XXYLT1: variants seen among roughly 807,000 people sequenced by gnomAD.
XXYLT1 encodes the protein UDP-xylose:alpha-xyloside alpha-1,3-xylosyltransferase.
In XXYLT1, 20 loss-of-function variants were observed where a neutral mutation model predicts 28.9. The observed-to-expected ratio is 0.69, with a 90% CI of 0.49 to 1.00. The LOEUF is 1.00. Ranked by LOEUF, XXYLT1 falls within the 50% of genes least tolerant of loss-of-function variation. The probability of loss-of-function intolerance (pLI) is 0.00; values close to 1 mark genes in which losing one functional copy is unlikely to be tolerated. For missense variants in XXYLT1, 542 were observed against 560.1 expected, an observed-to-expected ratio of 0.97 and a Z score of 0.33; for synonymous variants, 257 against 253.8, an observed-to-expected ratio of 1.01 and a Z score of -0.12.
At chr3:195,185,492 T>G (rs1722157257) in intron 2 of XXYLT1, among the ~76,000 whole-genome samples, 1 of 143,456 alleles carries the variant, frequency 7.0e-6, no homozygotes, top group Admixed American at 7.0e-5. Context: ...TCCAGAGAGG[T>G]TTAGGGCTGG....
intron 2 of XXYLT1, among the ~76,000 whole-genome samples, chr3:195,221,759 T>C (rs1281459825): frequency 1.3e-5 from 2 of 152,006 alleles, no homozygotes; most frequent in Non-Finnish European, 2.9e-5. Flanking sequence ...TTTTTTTCCA[T>C]TGCATAAGAT....
intron 2 of XXYLT1, chr3:195,175,846 A>G: frequency 7.1e-7 from 1 of 1,416,940 alleles, no homozygotes; most frequent in Non-Finnish European, 9.2e-7. Context: ...GCTTAAAAGG[A>G]AGATGTCCTA....
chr3:195,258,163 G>A (rs1294374920), intron 1 of XXYLT1, among the ~76,000 whole-genome samples: 1 of 152,168 alleles, frequency 6.6e-6, no homozygotes, highest in African/African-American at 2.4e-5. Flanking sequence ...CTGCTGTGAT[G>A]CTCTGGCAAA....
At chr3:195,152,405 ATGGGGAAGGTCACGGATGC>A (rs1466327873) in intron 3 of XXYLT1, 1 of 152,546 alleles carries the variant, frequency 6.6e-6, no homozygotes, top group East Asian at 1.9e-4. Context: ...TGATTTCCAG[ATGGGGAAGGTCACGGATGC>A]TGGACGCAAC....
rs1438653411 is a variant in XXYLT1, at chr3:195,257,557, G to A, written c.504+12998C>T. ...AGTCCCAGAGATGGGAAGTGGCCGG[G>A]GTACACCACAACCCCAGGCAGTCCA... On this transcript the variant is annotated intron_variant, in intron 1 of 3. Transcript: ENST00000310380. This position sits in a 1 kb window ranked among gnomAD's most constrained non-coding sequence, Gnocchi z 4.3. Among the ~76,000 whole-genome samples the A allele has an allele frequency of 1.3e-5, 2 of 152,144 alleles. No homozygotes were observed. Among genetic ancestry groups the A allele is most frequent in the African/African-American group, 4.8e-5 (2 of 41,440 alleles).
chr3:195,176,083 G>A lies in XXYLT1; in HGVS notation c.653-19502C>T, dbSNP rs569426546. On this transcript the variant is annotated intron_variant, in intron 2 of 3. Coordinates refer to ENST00000310380, the MANE Select transcript of XXYLT1 (RefSeq NM_152531.5). The surrounding 1 kb of genome is among the most constrained non-coding windows in gnomAD (Gnocchi z 4.9). ...CAGAATTTTTTTTTTTTGAGACAGG[G>A]TCTCACTCTATCGCCCAAGCTGGAG... Among the ~76,000 whole-genome samples, 159 of 151,940 alleles carry A rather than the reference G, an allele frequency of 1.0e-3. 2 individuals are homozygous for A. Among genetic ancestry groups the A allele is most frequent in the South Asian group, 5.6e-3 (27 of 4,818 alleles).
chr3:195,208,983 T>A (rs938420106), intron 2 of XXYLT1, among the ~76,000 whole-genome samples: 1 of 152,190 alleles, frequency 6.6e-6, no homozygotes, highest in Non-Finnish European at 1.5e-5. Flanking sequence ...GATTAAGGAC[T>A]ATGACAAACC....
chr3:195,101,874 CAGAA>C (rs1355595156), intron 3 of XXYLT1, among the ~76,000 whole-genome samples: 1 of 118,444 alleles, frequency 8.4e-6, no homozygotes, highest in Non-Finnish European at 1.7e-5. Flanking sequence ...AGTAAGGAAA[CAGAA>C]AAAAAGGAAG....
chr3:195,225,516 G>A (rs1464094026), intron 2 of XXYLT1, among the ~76,000 whole-genome samples: 1 of 152,138 alleles, frequency 6.6e-6, no homozygotes, highest in Non-Finnish European at 1.5e-5. Flanking sequence ...CTGTCCCCTG[G>A]GCTACCAGGA....
intron 3 of XXYLT1, among the ~76,000 whole-genome samples, chr3:195,132,611 T>C (rs1386065609): frequency 6.6e-6 from 1 of 152,182 alleles, no homozygotes; most frequent in African/African-American, 2.4e-5. Flanking sequence ...GTTTGAGAGG[T>C]AGGCAAAGTT....
intron 2 of XXYLT1, among the ~76,000 whole-genome samples, chr3:195,198,673 C>T (rs367672466): frequency 6.6e-6 from 1 of 152,138 alleles, no homozygotes; most frequent in African/African-American, 2.4e-5. Flanking sequence ...CATTCAAACC[C>T]AGGCAGTGTT....
chr3:195,229,317 G>A (rs1410721751), intron 1 of XXYLT1, among the ~76,000 whole-genome samples: 1 of 152,000 alleles, frequency 6.6e-6, no homozygotes, highest in Non-Finnish European at 1.5e-5. Context: ...TTTCATACAA[G>A]CATACAATGC....
At chr3:195,103,399 TGC>T in intron 3 of XXYLT1, among the ~76,000 whole-genome samples, 1 of 150,484 alleles carries the variant, frequency 6.6e-6, no homozygotes, top group African/African-American at 2.5e-5. Context: ...GCCAGCGGCC[TGC>T]GTCCATCACC....
intron 2 of XXYLT1, among the ~76,000 whole-genome samples, chr3:195,178,155 T>C (rs1389779982): frequency 6.6e-6 from 1 of 152,056 alleles, no homozygotes; most frequent in Non-Finnish European, 1.5e-5. Context: ...CAGCTTTTTT[T>C]TTTAAGCCCC....
chr3:195,226,405 A>G (rs1304091776), intron 2 of XXYLT1, among the ~76,000 whole-genome samples: 1 of 152,156 alleles, frequency 6.6e-6, no homozygotes, highest in Non-Finnish European at 1.5e-5. Flanking sequence ...GAGCAAACAA[A>G]GTATGGGGGT....
chr3:195,243,004 T>C (rs147392542), intron 1 of XXYLT1, among the ~76,000 whole-genome samples: 340 of 152,182 alleles, frequency 2.2e-3, no homozygotes, highest in African/African-American at 7.7e-3. Context: ...ATGTGGCACA[T>C]ATACACCATG....
intron 3 of XXYLT1, among the ~76,000 whole-genome samples, chr3:195,103,466 T>TCACGCCAGCGGC (rs1159424039): frequency 8.6e-6 from 1 of 116,036 alleles, no homozygotes; most frequent in Admixed American, 8.6e-5. Context: ...GTCCATCTCT[T>TCACGCCAGCGGC]CTGCATTTGT....
At chr3:195,260,541 C>T (rs537719689) in intron 1 of XXYLT1, among the ~76,000 whole-genome samples, 1 of 152,350 alleles carries the variant, frequency 6.6e-6, no homozygotes, top group African/African-American at 2.4e-5. Flanking sequence ...CCTCCCGTCC[C>T]GGGCGAGGCA....
intron 2 of XXYLT1, among the ~76,000 whole-genome samples, chr3:195,219,989 C>T (rs1295173767): frequency 6.6e-6 from 1 of 152,188 alleles, no homozygotes. Context: ...TATCCACTCC[C>T]ATAGATCTCC....
Sources: gnomAD v4.1 joint callset for allele counts (sites outside exome capture counted in the v4.1 genomes callset) on GRCh38, gnomAD v4.1.1 for gene constraint, Gnocchi (gnomAD v3.1) non-coding constraint, MANE v1.5 for transcripts, NCBI Gene and HGNC (gene_info 2026-07-23, HGNC 2026-07-21) for gene names.